The following FCHO2 variants were observed in gnomAD, a reference collection of about 807,000 sequenced individuals.
FCHO2 encodes the protein FCH and mu domain containing endocytic adaptor 2.
FCHO2 carries 43 observed loss-of-function variants against 114.1 expected under a neutral mutation model. The ratio of observed to expected loss-of-function variants is 0.38; its 90% CI spans 0.30 to 0.49. FCHO2 has a LOEUF of 0.49. Among genes scored for constraint, FCHO2 ranks in the 20% least tolerant of loss-of-function variants. The pLI is 0.97. For missense variants in FCHO2, 807 were observed against 950.4 expected (o/e 0.85, Z 1.98); for synonymous variants, 293 against 315.2 (o/e 0.93, Z 0.75).
chr5:73,030,761 C>G (rs1756194079), intron 8 of FCHO2, among the ~76,000 whole-genome samples: 1 of 152,178 alleles, frequency 6.6e-6, no homozygotes, highest in South Asian at 2.1e-4. Context: ...AACAAGTTCT[C>G]CAGGTGATTC....
intron 22 of FCHO2, 49 bp from the exon 23 acceptor site, chr5:73,081,734 T>C (rs1743096807): frequency 7.3e-7 from 1 of 1,368,906 alleles, no homozygotes; most frequent in Admixed American, 2.7e-5. Flanking sequence ...TAACATGACT[T>C]CTTAACTTTT....
Position 73,024,801 on chromosome 5 carries a change from C to T in FCHO2, c.796+7493C>T, listed in dbSNP as rs1755829661. Among the ~76,000 whole-genome samples, 2 of 152,078 alleles carry T rather than the reference C, an allele frequency of 1.3e-5. 1 individual carries two copies. The highest frequency in any genetic ancestry group is 1.3e-4 in the Admixed American group (2 of 15,256). Reference sequence around the variant, plus strand: ...AAGTGGGGATAATAATAGTAACTGCCTCATGGGGCTGTTGTGAGATTTACA... The same window carrying T: ...AAGTGGGGATAATAATAGTAACTGCTTCATGGGGCTGTTGTGAGATTTACA... On this transcript the variant is annotated intron_variant, in intron 8 of 25. Transcript: ENST00000430046.
At chr5:73,018,523 C>CTTTTTTTTTTT (rs70973220) in intron 8 of FCHO2, among the ~76,000 whole-genome samples, 3 of 132,106 alleles carry the variant, frequency 2.3e-5, no homozygotes, top group Non-Finnish European at 5.0e-5. Context: ...TAACTTTCTT[C>CTTTTTTTTTTT]TTTTTTTTTT....
chr5:73,041,183 TAGAG>T, intron 10 of FCHO2, 104 bp from the exon 11 acceptor site: 1 of 676,744 alleles, frequency 1.5e-6, no homozygotes, highest in Non-Finnish European at 2.5e-6. Context: ...ATATTTTTTG[TAGAG>T]TTTAAATAAA....
chr5:73,041,204 A>G (rs775319786), intron 10 of FCHO2, 87 bp from the exon 11 acceptor site: 47 of 822,746 alleles, frequency 5.7e-5, no homozygotes, highest in Admixed American at 1.2e-4. Context: ...TAAAAGCTAT[A>G]TTTAAGTACC....
At position 72,988,449 on chromosome 5, in the gene FCHO2, G is replaced by A. The variant is rs576435538; in HGVS notation, c.126-978G>A. 3.3e-5 allele frequency among the ~76,000 whole-genome samples: 5 copies of A among 152,062 alleles called. No homozygotes were observed. In the South Asian group the frequency reaches 1.0e-3, roughly 32 times the overall value. ...CCATATTCCGTCTCAAAAAAAGAAG[G>A]CCATACAAAATGTGTATTCTGTATT... On this transcript the variant is annotated intron_variant, in intron 2 of 25. Transcript: ENST00000430046.
intron 6 of FCHO2, among the ~76,000 whole-genome samples, chr5:73,010,819 T>A (rs1754963525): frequency 7.4e-6 from 1 of 135,962 alleles, no homozygotes. Context: ...GAGGTTGTGG[T>A]GAGCCGAGAT....
chr5:72,957,074 G>A (rs1441132722), intron 1 of FCHO2, among the ~76,000 whole-genome samples: 1 of 152,102 alleles, frequency 6.6e-6, no homozygotes, highest in Non-Finnish European at 1.5e-5. Context: ...AGGAATGTAT[G>A]TTAAATTCTT....
chr5:72,963,944 A>G lies in FCHO2; in HGVS notation c.34-4554A>G, dbSNP rs1752038589. Among the ~76,000 whole-genome samples, 7 of 125,556 alleles carry G rather than the reference A, an allele frequency of 5.6e-5. 1 individual carries two copies. The South Asian group carries it at 1.6e-3, about 29-fold the overall frequency. 82.4% of individuals were successfully genotyped at this position (125,556 alleles called of 152,430 possible). On this transcript the variant is annotated intron_variant, in intron 1 of 25. Transcript: ENST00000430046. ...TTTTTTTTTTTGTTTATGAATTACA[A>G]GGACTGGAGATTTAAGTACTGATGT...
chr5:73,073,022 G>A, intron 19 of FCHO2, among the ~76,000 whole-genome samples: 1 of 152,008 alleles, frequency 6.6e-6, no homozygotes, highest in East Asian at 1.9e-4. Flanking sequence ...GGAAAAAAGT[G>A]GATTGAACTA....
At chr5:73,016,987 G>A (rs866132443) in intron 7 of FCHO2, among the ~76,000 whole-genome samples, 2 of 152,148 alleles carry the variant, frequency 1.3e-5, no homozygotes, top group South Asian at 2.1e-4. Flanking sequence ...AAACTGCTTT[G>A]ACTTCTAGGG....
intron 2 of FCHO2, among the ~76,000 whole-genome samples, chr5:72,979,004 G>T (rs62360752): frequency 0.12 from 17,894 of 152,062 alleles, 1,266 homozygotes; most frequent in Non-Finnish European, 0.17. Flanking sequence ...TGCTGGATTC[G>T]GTTTGCCTGT....
intron 2 of FCHO2, among the ~76,000 whole-genome samples, chr5:72,971,173 G>A (rs1752529918): frequency 6.6e-6 from 1 of 152,054 alleles, no homozygotes; most frequent in Admixed American, 6.6e-5. Context: ...ATATGCATGT[G>A]TCTTTATAGC....
intron 1 of FCHO2, among the ~76,000 whole-genome samples, chr5:72,963,504 G>C (rs2112587844): frequency 6.6e-6 from 1 of 152,122 alleles, no homozygotes; most frequent in Admixed American, 6.5e-5. Flanking sequence ...TTTCTCATGT[G>C]AATAAGTATT....
chr5:72,959,484 G>GCAA (rs564679798), intron 1 of FCHO2, among the ~76,000 whole-genome samples: 194 of 152,264 alleles, frequency 1.3e-3, no homozygotes, highest in African/African-American at 4.5e-3. Flanking sequence ...TCCAGCCTGG[G>GCAA]CAACAGAGTG....
chr5:73,021,321 G>T, intron 8 of FCHO2: 1 of 425,464 alleles, frequency 2.4e-6, no homozygotes, highest in Non-Finnish European at 4.4e-6. Flanking sequence ...TGCCAGAAGT[G>T]ATGGCGACAG....
At chr5:73,055,456 G>A (rs531352461) in intron 15 of FCHO2, among the ~76,000 whole-genome samples, 1 of 152,226 alleles carries the variant, frequency 6.6e-6, no homozygotes, top group South Asian at 2.1e-4. Flanking sequence ...AAACATGAAG[G>A]TGCAGCAAAA....
At chr5:73,042,844 C>A (rs1756869941) in intron 11 of FCHO2, among the ~76,000 whole-genome samples, 1 of 152,136 alleles carries the variant, frequency 6.6e-6, no homozygotes, top group East Asian at 1.9e-4. Flanking sequence ...AAATATTGCT[C>A]AAAATAGTGG....
At chr5:73,001,905 CAAAAA>C (rs759275812) in intron 5 of FCHO2, among the ~76,000 whole-genome samples, 2 of 77,078 alleles carry the variant, frequency 2.6e-5, no homozygotes, top group African/African-American at 4.9e-5. Flanking sequence ...TACCCTGTCT[CAAAAA>C]AAAAAAAAAA....
Sources: gnomAD v4.1 joint callset for allele counts (sites outside exome capture counted in the v4.1 genomes callset) on GRCh38, gnomAD v4.1.1 for gene constraint, MANE v1.5 for transcripts, NCBI Gene and HGNC (gene_info 2026-07-23, HGNC 2026-07-21) for gene names.